TIMM9: variants seen among roughly 807,000 people sequenced by gnomAD.
TIMM9 encodes translocase of inner mitochondrial membrane 9, also known as mitochondrial import inner membrane translocase subunit Tim9.
A neutral mutation model predicts 13.4 loss-of-function variants in TIMM9; 10 were observed. The ratio of observed to expected loss-of-function variants is 0.75; its 90% confidence interval spans 0.46 to 1.26. TIMM9 has a LOEUF of 1.26. Ranked by LOEUF, TIMM9 falls within the 50% of genes most tolerant of loss-of-function variation. TIMM9 has a pLI of 0.00. For missense variants in TIMM9, 87 were observed against 100.8 expected (o/e 0.86, Z 0.58); for synonymous variants, 32 against 32.1 (o/e 1.00, Z 0.01).
At chr14:58,413,459 TCTA>T (rs1403347803) in intron 3 of TIMM9, among the ~76,000 whole-genome samples, 1 of 152,186 alleles carries the variant, frequency 6.6e-6, no homozygotes, top group Non-Finnish European at 1.5e-5. Context: ...AATTATACAT[TCTA>T]CTACACATTC....
At chr14:58,417,373 GCA>G in intron 3 of TIMM9, among the ~76,000 whole-genome samples, 1 of 151,700 alleles carries the variant, frequency 6.6e-6, no homozygotes, top group Admixed American at 6.6e-5. Context: ...GGGCATGGTG[GCA>G]TGTCCTATAC....
intron 2 of TIMM9, among the ~76,000 whole-genome samples, chr14:58,425,763 A>G (rs1468605079): frequency 6.6e-6 from 1 of 152,160 alleles, no homozygotes; most frequent in Non-Finnish European, 1.5e-5. Context: ...ATAATATACA[A>G]TAAATTGTGA....
intron 5 of TIMM9, among the ~76,000 whole-genome samples, 178 bp from the exon 6 acceptor site, chr14:58,409,346 A>T (rs1163138741): frequency 6.6e-6 from 1 of 152,208 alleles, no homozygotes; most frequent in Non-Finnish European, 1.5e-5. Flanking sequence ...ATTCACTGAC[A>T]AGCATTAATA....
In TIMM9 at chr14:58,408,622, T is replaced by A. The variant is rs2036109032; in HGVS notation, c.*412A>T. The A allele has an allele frequency of 6.3e-7, 1 of 1,588,536 alleles. No homozygotes were observed. The highest frequency in any genetic ancestry group is 1.3e-5 in the African/African-American group (1 of 74,210). ...TATCCACAGTCCAGTGAGAATACTA[T>A]GGTACCATACAGTATAAACAACTGC... On this transcript the variant is annotated 3_prime_UTR_variant, in exon 6 of 6. Transcript: ENST00000395159.
At chr14:58,416,054 GAAA>G (rs796795388) in intron 3 of TIMM9, among the ~76,000 whole-genome samples, 1 of 122,110 alleles carries the variant, frequency 8.2e-6, no homozygotes. Flanking sequence ...CGTCCCTACT[GAAA>G]AAAAAAAAAA....
chr14:58,419,399 A>C (rs558354658), intron 3 of TIMM9, among the ~76,000 whole-genome samples: 5 of 146,386 alleles, frequency 3.4e-5, no homozygotes, highest in African/African-American at 1.2e-4. Context: ...AGGCTGCAGT[A>C]AGCCATGGTT....
chr14:58,416,597 A>G (rs1268393575), intron 3 of TIMM9, among the ~76,000 whole-genome samples: 1 of 152,240 alleles, frequency 6.6e-6, no homozygotes, highest in Non-Finnish European at 1.5e-5. Context: ...CAAGGAGGAA[A>G]ACACAGTAAT....
chr14:58,409,301 G>T, intron 5 of TIMM9, 133 bp from the exon 6 acceptor site: 4 of 951,382 alleles, frequency 4.2e-6, no homozygotes, highest in Non-Finnish European at 6.1e-6. Flanking sequence ...GTACTAATTG[G>T]CAGCAACTGA....
chr14:58,425,096 G>T (rs767460700), intron 2 of TIMM9, among the ~76,000 whole-genome samples: 13 of 152,010 alleles, frequency 8.6e-5, no homozygotes, highest in Non-Finnish European at 1.9e-4. Context: ...AAAGAAAAGG[G>T]GTTGAGAGGG....
chr14:58,419,032 A>G (rs1359711821), intron 3 of TIMM9, among the ~76,000 whole-genome samples: 1 of 152,178 alleles, frequency 6.6e-6, no homozygotes, highest in Non-Finnish European at 1.5e-5. Flanking sequence ...GAATAAAGTG[A>G]GAGGAATTGG....
At chr14:58,424,729 T>C (rs572183039) in intron 2 of TIMM9, among the ~76,000 whole-genome samples, 1 of 152,154 alleles carries the variant, frequency 6.6e-6, no homozygotes, top group East Asian at 1.9e-4. Flanking sequence ...TGAGCCGGCA[T>C]GGTGGTGTGC....
chr14:58,420,931 C>T (rs2036573357), intron 3 of TIMM9, among the ~76,000 whole-genome samples: 1 of 152,004 alleles, frequency 6.6e-6, no homozygotes, highest in South Asian at 2.1e-4. Flanking sequence ...TTACATATTC[C>T]TGTTGGGAAT....
At chr14:58,421,112 A>G (rs2036577447) in intron 3 of TIMM9, among the ~76,000 whole-genome samples, 1 of 152,208 alleles carries the variant, frequency 6.6e-6, no homozygotes, top group South Asian at 2.1e-4. Flanking sequence ...TGAAAACCCA[A>G]ATGTTCTTCA....
chr14:58,409,597 G>A (rs1650749482), intron 5 of TIMM9, among the ~76,000 whole-genome samples: 1 of 151,856 alleles, frequency 6.6e-6, no homozygotes, highest in African/African-American at 2.4e-5. Context: ...ATTTATTTTT[G>A]AGAGGGAGTC....
At chr14:58,426,195 C>T in intron 2 of TIMM9, among the ~76,000 whole-genome samples, 1 of 151,868 alleles carries the variant, frequency 6.6e-6, no homozygotes, top group South Asian at 2.1e-4. Flanking sequence ...TAACGCTGAG[C>T]CCTTAAAGTC....
intron 3 of TIMM9, among the ~76,000 whole-genome samples, chr14:58,422,740 C>T (rs2036624878): frequency 6.6e-6 from 1 of 152,042 alleles, no homozygotes; most frequent in African/African-American, 2.4e-5. Context: ...TATGTTAACA[C>T]TATGATTTAT....
intron 2 of TIMM9, among the ~76,000 whole-genome samples, chr14:58,424,987 T>G (rs1471206385): frequency 1.3e-5 from 2 of 152,178 alleles, no homozygotes; most frequent in South Asian, 2.1e-4. Flanking sequence ...CTGGCCAAAG[T>G]TTGATATGGC....
Position 58,427,501 on chromosome 14 carries a change from A to T in TIMM9, c.-413T>A. The T allele has an allele frequency of 8.0e-7, 1 of 1,255,752 alleles. No homozygotes were observed. Among genetic ancestry groups the T allele is most frequent in the Non-Finnish European group, 1.1e-6 (1 of 898,956 alleles). 77.8% of individuals were successfully genotyped at this position (1,255,752 alleles called of 1,614,324 possible). A position where few individuals can be genotyped will look rare whatever the true frequency, so the allele number is the denominator to read the frequency against. On this transcript the variant is annotated 5_prime_UTR_variant, in exon 1 of 6. Transcript: ENST00000395159. ...CTCTTCAAGTCTTGGATGAGACTGT[A>T]GAGCGGTCTTGTGCGGCAATGTGCT...
At chr14:58,414,736 CA>C (rs35380721) in intron 3 of TIMM9, among the ~76,000 whole-genome samples, 10 of 117,552 alleles carry the variant, frequency 8.5e-5, no homozygotes, top group African/African-American at 2.3e-4. Context: ...GACGCCATCT[CA>C]AAAAAAAAAA....
Sources: allele counts gnomAD v4.1 joint callset (sites outside exome capture counted in the v4.1 genomes callset), GRCh38; gene constraint gnomAD v4.1.1; transcripts MANE v1.5; gene names NCBI Gene and HGNC (gene_info 2026-07-23, HGNC 2026-07-21).